NCOA2: variants seen among roughly 807,000 people sequenced by gnomAD.
NCOA2 encodes class E basic helix-loop-helix protein 75.
NCOA2 carries 21 observed loss-of-function variants against 145.1 expected under a neutral mutation model. That is an observed-to-expected ratio of 0.14 (90% CI 0.10 to 0.21). The LOEUF (loss-of-function observed/expected upper bound fraction) is 0.21. NCOA2 is among the 10% of genes least tolerant of loss of function. The probability of loss-of-function intolerance (pLI) is 1.00; values close to 1 mark genes in which losing one functional copy is unlikely to be tolerated. For synonymous variants in NCOA2, 619 were observed against 637.5 expected (o/e 0.97, Z 0.44); for missense variants, 1,472 against 1,837.6 (o/e 0.80, Z 3.64).
At chr8:70,227,432 T>C (rs1820743597) in intron 2 of NCOA2, among the ~76,000 whole-genome samples, 1 of 152,150 alleles carries the variant, frequency 6.6e-6, no homozygotes, top group South Asian at 2.1e-4. Flanking sequence ...CTAGGGTGAG[T>C]GTGTAAGAAG....
chr8:70,171,772 C>T (rs1047723425), intron 5 of NCOA2, among the ~76,000 whole-genome samples: 4 of 151,948 alleles, frequency 2.6e-5, no homozygotes, highest in African/African-American at 9.7e-5. Flanking sequence ...AAGCTATCCT[C>T]CCACCTCAGC....
intron 1 of NCOA2, among the ~76,000 whole-genome samples, chr8:70,390,116 T>C (rs1813053553): frequency 1.3e-5 from 2 of 152,258 alleles, no homozygotes; most frequent in African/African-American, 4.8e-5. Context: ...TTCTATCTTC[T>C]AAGTATATGA....
chr8:70,425,573 G>A, the NCOA2 span, among the ~76,000 whole-genome samples: 5 of 152,072 alleles, frequency 3.3e-5, no homozygotes, highest in African/African-American at 1.2e-4. Flanking sequence ...CCACCCATCA[G>A]ATCCATGACC....
chr8:70,422,090 G>A, the NCOA2 span, among the ~76,000 whole-genome samples: 12 of 151,176 alleles, frequency 7.9e-5, no homozygotes, highest in South Asian at 1.7e-3. Flanking sequence ...GCAAGACTCC[G>A]GTCTCGAAAA....
intron 15 of NCOA2, among the ~76,000 whole-genome samples, chr8:70,132,911 C>G: frequency 6.6e-6 from 1 of 152,068 alleles, no homozygotes; most frequent in Non-Finnish European, 1.5e-5. Context: ...TGTTAGCCTT[C>G]CTGCATTAGG....
intron 1 of NCOA2, among the ~76,000 whole-genome samples, chr8:70,378,292 A>T (rs1256319008): frequency 2.6e-5 from 4 of 152,170 alleles, no homozygotes; most frequent in Non-Finnish European, 2.9e-5. Context: ...AAATAATTTT[A>T]AAATAAAAAA....
At position 70,111,084 on chromosome 8, in the gene NCOA2, G is replaced by T. The variant is rs991237699; in HGVS notation, c.*2548C>A. The T allele has an allele frequency of 2.7e-5, 6 of 220,144 alleles. No individual in the cohort carries two copies. Among genetic ancestry groups the T allele is most frequent in the Non-Finnish European group, 4.5e-5 (5 of 109,924 alleles). The allele number at this position is 220,144 out of a possible 1,614,324, so 13.6% of individuals were successfully genotyped here. On this transcript the variant is annotated 3_prime_UTR_variant, in exon 23 of 23. Transcript: ENST00000452400. ...CTTACTTTTCTTCTCCTAACTAGAT[G>T]TAAAACAAAATCCATTACCTGATTG...
intron 1 of NCOA2, among the ~76,000 whole-genome samples, chr8:70,337,974 C>T (rs1807776954): frequency 1.3e-5 from 2 of 152,106 alleles, no homozygotes; most frequent in South Asian, 2.1e-4. Flanking sequence ...TAAATGCCCA[C>T]ATCAAAAAGC....
At position 70,222,406 on chromosome 8, in the gene NCOA2, C is replaced by T. The variant is rs558110666; in HGVS notation, c.-19-5642G>A. Among the ~76,000 whole-genome samples the T allele has an allele frequency of 2.2e-4, 33 of 152,320 alleles. 1 individual carries two copies. In the South Asian group the frequency reaches 6.6e-3, roughly 31 times the overall value. The stretch of plus-strand genomic sequence containing the variant: ...CTAGGTAAACTGGCTTTAGCACCTA[C>T]CTTCTCTTATGCTGTGTCTTAGTCC... On this transcript the variant is annotated intron_variant, in intron 2 of 22. Coordinates refer to ENST00000452400, the MANE Select transcript of NCOA2 (RefSeq NM_006540.4).
intron 1 of NCOA2, among the ~76,000 whole-genome samples, chr8:70,325,202 A>G (rs75065769): frequency 0.024 from 3,614 of 152,214 alleles, 135 homozygotes; most frequent in African/African-American, 0.084. Context: ...TTGAACACAA[A>G]TCTTCGTCTG....
At chr8:70,337,200 AGT>A (rs72265721) in intron 1 of NCOA2, among the ~76,000 whole-genome samples, 6,169 of 145,140 alleles carry the variant, frequency 0.043, 229 homozygotes, top group African/African-American at 0.11. Context: ...ACTGCTGAGG[AGT>A]GTGTGTGTGT....
At chr8:70,158,706 C>T (rs962921316) in intron 10 of NCOA2, among the ~76,000 whole-genome samples, 3 of 151,976 alleles carry the variant, frequency 2.0e-5, no homozygotes, top group Admixed American at 6.5e-5. Context: ...GAGCTGAGAT[C>T]GCGCCACTGC....
At chr8:70,210,323 CCAA>C (rs1377686740) in intron 4 of NCOA2, among the ~76,000 whole-genome samples, 2 of 152,122 alleles carry the variant, frequency 1.3e-5, no homozygotes, top group African/African-American at 4.8e-5. Flanking sequence ...GATTATTTAG[CCAA>C]CAGAAGATCT....
intron 15 of NCOA2, among the ~76,000 whole-genome samples, chr8:70,133,809 T>G (rs1283260151): frequency 1.3e-5 from 2 of 152,210 alleles, no homozygotes; most frequent in African/African-American, 4.8e-5. Context: ...GGCTTAGAAT[T>G]CTGAAATACT....
At chr8:70,338,344 T>G (rs1466180020) in intron 1 of NCOA2, among the ~76,000 whole-genome samples, 1 of 151,672 alleles carries the variant, frequency 6.6e-6, no homozygotes. Context: ...ATCTAGAAAA[T>G]ATGGATAAAT....
chr8:70,405,788 A>G (rs1298505532), upstream of NCOA2, among the ~76,000 whole-genome samples: 1 of 152,174 alleles, frequency 6.6e-6, no homozygotes, highest in Non-Finnish European at 1.5e-5. Context: ...CACACTTTTT[A>G]AAACTACCCA....
At chr8:70,410,699 T>C in the NCOA2 span, among the ~76,000 whole-genome samples, 1 of 152,202 alleles carries the variant, frequency 6.6e-6, no homozygotes, top group Non-Finnish European at 1.5e-5. Context: ...GTGTGGTATA[T>C]TCGTACAATG....
intron 2 of NCOA2, among the ~76,000 whole-genome samples, chr8:70,278,829 G>A (rs1825662522): frequency 6.6e-6 from 1 of 151,970 alleles, no homozygotes; most frequent in South Asian, 2.1e-4. Context: ...AGCTGGGTGT[G>A]GTGGTGTGCA....
intron 1 of NCOA2, among the ~76,000 whole-genome samples, chr8:70,376,991 T>G (rs879408823): frequency 6.6e-6 from 1 of 152,054 alleles, no homozygotes; most frequent in African/African-American, 2.4e-5. Context: ...AATCTAAATT[T>G]TGAAAAATAT....
Sources: gnomAD v4.1 joint callset for allele counts (sites outside exome capture counted in the v4.1 genomes callset) on GRCh38, gnomAD v4.1.1 for gene constraint, MANE v1.5 for transcripts, NCBI Gene and HGNC (gene_info 2026-07-23, HGNC 2026-07-21) for gene names.